STK10: variants seen among roughly 807,000 people sequenced by gnomAD.
The protein encoded by STK10 is serine/threonine-protein kinase 10.
STK10 carries 78 observed loss-of-function variants against 113.8 expected under a neutral mutation model. The ratio of observed to expected loss-of-function variants is 0.69; its 90% CI spans 0.57 to 0.83. The LOEUF (loss-of-function observed/expected upper bound fraction) is 0.83. STK10 is among the 40% of genes least tolerant of loss of function. The pLI is 0.00. For missense variants in STK10, 1,109 were observed against 1,280.1 expected, an observed-to-expected ratio of 0.87 and a Z score of 2.04; for synonymous variants, 465 against 494.7, an observed-to-expected ratio of 0.94 and a Z score of 0.80.
chr5:172,072,353 G>A (rs1308860814), intron 12 of STK10, among the ~76,000 whole-genome samples: 5 of 151,876 alleles, frequency 3.3e-5, no homozygotes, highest in African/African-American at 7.3e-5. Context: ...TGCAAGATCC[G>A]CCTACCGGGT....
chr5:172,084,374 T>C (rs1046958318), intron 10 of STK10, among the ~76,000 whole-genome samples: 1 of 151,676 alleles, frequency 6.6e-6, no homozygotes, highest in African/African-American at 2.4e-5. Context: ...CACTCCCGCC[T>C]GGGCAACAAG....
intron 12 of STK10, among the ~76,000 whole-genome samples, chr5:172,068,745 C>A (rs977218038): frequency 2.0e-5 from 3 of 151,784 alleles, no homozygotes; most frequent in Non-Finnish European, 4.4e-5. Flanking sequence ...TGCTTGAGGC[C>A]AGGCAAGACC....
intron 4 of STK10, among the ~76,000 whole-genome samples, chr5:172,111,033 G>T (rs1033312977): frequency 6.6e-6 from 1 of 152,170 alleles, no homozygotes; most frequent in South Asian, 2.1e-4. Context: ...GAGGGGACAG[G>T]GGGCCCTCAG....
chr5:172,056,946 A>AAG (rs1561789921), intron 15 of STK10: 1 of 89,094 alleles, frequency 1.1e-5, no homozygotes, highest in South Asian at 3.1e-4. Flanking sequence ...AAAGAAAGAA[A>AAG]GAAAGAAGGA....
chr5:172,055,698 G>A lies in STK10; in HGVS notation c.2416C>T (p.Leu806=). The part of the protein sequence containing the change: ...KVRQQQEKAR[L]PKIQRSEGKT... ...CCCTCACTCCTCTGGATCTTGGGCA[G>A]CCGCGCCTTTTCCTGTTGCTGCCGC... Residue 806 remains leucine, a synonymous_variant, in exon 16 of 19, where the codon CTG becomes TTG. Coordinates refer to ENST00000176763, the MANE Select transcript of STK10 (RefSeq NM_005990.4). 6.3e-7 allele frequency: 1 copy of A among 1,584,302 alleles called. No homozygotes were observed.
chr5:172,057,176 C>T, intron 15 of STK10, 173 bp downstream of exon 15: 1 of 825,894 alleles, frequency 1.2e-6, no homozygotes, highest in South Asian at 1.7e-5. Context: ...TGAGCTGAAG[C>T]AGGACGCCCC....
intron 18 of STK10, among the ~76,000 whole-genome samples, chr5:172,047,387 T>C (rs1767513189): frequency 6.6e-6 from 1 of 152,200 alleles, no homozygotes; most frequent in Non-Finnish European, 1.5e-5. Flanking sequence ...TCTCTCAGGA[T>C]AGGCCAAGGG....
rs1442715172 is a variant in STK10 at position 172,055,604 on chromosome 5, C to T, written c.2510G>A (p.Arg837His). 4 of 1,518,686 alleles carry T rather than the reference C, an allele frequency of 2.6e-6. No individual in the cohort carries two copies. The highest frequency in any genetic ancestry group is 2.0e-4 in the Middle Eastern group (1 of 5,084). The allele number at this position is 1,518,686 out of a possible 1,614,324, so 94.1% of individuals were successfully genotyped here. ...INGGGSAAEQ[R>H]EKIKQFSQQE... ...GGCCCCCACCTGCTTGATCTTCTCA[C>T]GCTGCTCAGCTGCGCTGCCCCCGCC... Residue 837 changes from arginine (R) to histidine (H), a missense_variant, in exon 16 of 19, where the codon CGT (arginine) becomes CAT (histidine). By Grantham distance (29) the Arg-to-His change is conservative (BLOSUM62 0). Around this residue, in one of 5 missense-constraint regions of STK10, gnomAD observed 885 missense variants for 991.1 expected, o/e 0.89. Transcript: ENST00000176763.
chr5:172,061,931 A>T (rs373442286), intron 13 of STK10, among the ~76,000 whole-genome samples: 5 of 152,076 alleles, frequency 3.3e-5, no homozygotes, highest in South Asian at 2.1e-4. Context: ...AGATTAGGTG[A>T]CAGGTATATG....
At chr5:172,097,683 C>T (rs1407798135) in intron 7 of STK10, among the ~76,000 whole-genome samples, 1 of 152,124 alleles carries the variant, frequency 6.6e-6, no homozygotes, top group Admixed American at 6.5e-5. Context: ...GGGCTGTTTC[C>T]CATTTTTGGC....
At chr5:172,159,081 T>C (rs1328124326) in intron 1 of STK10, among the ~76,000 whole-genome samples, 1 of 152,108 alleles carries the variant, frequency 6.6e-6, no homozygotes. Context: ...AGAGAAATAA[T>C]CATGTAAATG....
At chr5:172,069,817 C>G (rs932621349) in intron 12 of STK10, among the ~76,000 whole-genome samples, 1 of 152,170 alleles carries the variant, frequency 6.6e-6, no homozygotes, top group African/African-American at 2.4e-5. Flanking sequence ...AGTTGACCTA[C>G]TTGACATTTA....
At chr5:172,057,272 C>A in intron 15 of STK10, 77 bp downstream of exon 15, 1 of 1,534,700 alleles carries the variant, frequency 6.5e-7, no homozygotes, top group East Asian at 2.4e-5. Flanking sequence ...CAAGAGGTGC[C>A]CCATCACATA....
rs139146772 is a variant in STK10 at position 172,081,940 on chromosome 5, G to A, written c.1989+386C>T. 3.0e-4 allele frequency among the ~76,000 whole-genome samples: 45 copies of A among 152,262 alleles called. 1 individual carries two copies. The highest frequency in any genetic ancestry group is 1.1e-3 in the African/African-American group (44 of 41,566). ...GGAGGCAGAGAGGGTGGAGCATAGA[G>A]GGCATGTTGTATGTGCCTACCCACC... On this transcript the variant is annotated intron_variant, in intron 12 of 18. Transcript: ENST00000176763.
Position 172,052,978 on chromosome 5 carries a change from T to C in STK10, c.2717A>G (p.His906Arg). The change falls in exon 18 of 19, where the codon CAT (histidine) becomes CGT (arginine). Residue 906 changes from histidine to arginine, a missense_variant. His to Arg is a conservative substitution (Grantham distance 29, BLOSUM62 0). This residue lies in a region of STK10 where 885 missense variants were observed against 991.1 expected (regional missense o/e 0.89). Coordinates refer to ENST00000176763, the MANE Select transcript of STK10 (RefSeq NM_005990.4). ...TQKLKALDES[H>R]NQNLKEWRDK... The stretch of plus-strand genomic sequence containing the variant: ...CCGCCATTCCTTCAGGTTCTGGTTA[T>C]GGCTCTCATCCAGGGCCTTCAGTTT... The C allele has an allele frequency of 6.2e-7, 1 of 1,614,262 alleles. No homozygotes were observed. Among genetic ancestry groups the C allele is most frequent in the Non-Finnish European group, 8.5e-7 (1 of 1,180,052 alleles).
At chr5:172,130,900 A>C (rs554187539) in intron 2 of STK10, among the ~76,000 whole-genome samples, 1 of 152,238 alleles carries the variant, frequency 6.6e-6, no homozygotes, top group East Asian at 1.9e-4. Flanking sequence ...GATTCCTACA[A>C]AAATATGCCT....
chr5:172,088,754 T>C (rs1768625967), intron 10 of STK10, among the ~76,000 whole-genome samples: 1 of 152,076 alleles, frequency 6.6e-6, no homozygotes, highest in African/African-American at 2.4e-5. Context: ...ACAGACCCAG[T>C]TAGAATCTCA....
chr5:172,056,293 T>C (rs531840320), intron 15 of STK10, among the ~76,000 whole-genome samples: 5 of 152,290 alleles, frequency 3.3e-5, no homozygotes, highest in Admixed American at 1.3e-4. Context: ...GATAAGAAAC[T>C]GGAATTATAC....
intron 2 of STK10, among the ~76,000 whole-genome samples, chr5:172,135,944 T>C (rs1324138811): frequency 1.3e-5 from 2 of 151,774 alleles, no homozygotes; most frequent in South Asian, 2.1e-4. Context: ...TGAGAATCGC[T>C]TGAACCCAGG....
Sources: allele counts gnomAD v4.1 joint callset (sites outside exome capture counted in the v4.1 genomes callset), GRCh38; gene constraint gnomAD v4.1.1; regional missense constraint gnomAD v4.1.1; transcripts MANE v1.5; gene names NCBI Gene and HGNC (gene_info 2026-07-23, HGNC 2026-07-21).